TMCO6: variants seen among roughly 807,000 people sequenced by gnomAD.
TMCO6 encodes the protein transmembrane and coiled-coil domains 6, also known as transmembrane and coiled-coil domain-containing protein 6.
TMCO6 carries 47 observed loss-of-function variants against 61.8 expected under a neutral mutation model. The ratio of observed to expected loss-of-function variants is 0.76; its 90% confidence interval spans 0.60 to 0.97. TMCO6 has a LOEUF of 0.97. Ranked by LOEUF, TMCO6 falls within the 50% of genes least tolerant of loss-of-function variation. TMCO6 has a pLI of 0.00. For missense variants in TMCO6, 557 were observed against 601.6 expected (o/e 0.93, Z 0.78); for synonymous variants, 261 against 254.2 (o/e 1.03, Z -0.25).
the TMCO6 span, among the ~76,000 whole-genome samples, chr5:140,597,406 C>T: frequency 2.6e-5 from 4 of 152,302 alleles, no homozygotes; most frequent in South Asian, 6.2e-4. Flanking sequence ...AAAGGCCACC[C>T]AGGTGTGCAG....
the TMCO6 span, among the ~76,000 whole-genome samples, chr5:140,604,861 T>A: frequency 1.3e-5 from 2 of 151,552 alleles, no homozygotes; most frequent in Non-Finnish European, 2.9e-5. Context: ...CATTGAATAA[T>A]CTTGGCTTCA....
chr5:140,598,746 C>T, the TMCO6 span, among the ~76,000 whole-genome samples: 1 of 152,120 alleles, frequency 6.6e-6, no homozygotes, highest in Non-Finnish European at 1.5e-5. Flanking sequence ...CCAGCCTGGT[C>T]AACATGGTGA....
the TMCO6 span, among the ~76,000 whole-genome samples, chr5:140,606,174 T>C: frequency 2.1e-5 from 3 of 145,304 alleles, no homozygotes; most frequent in African/African-American, 7.7e-5. Flanking sequence ...CTTTCCTCTT[T>C]TTTTTTTTTC....
At chr5:140,624,744 T>C in the TMCO6 span, among the ~76,000 whole-genome samples, 2 of 151,854 alleles carry the variant, frequency 1.3e-5, no homozygotes, top group Non-Finnish European at 2.9e-5. Context: ...GCCAGGCTGG[T>C]CTCGAACTCC....
chr5:140,643,677 T>C lies in TMCO6; in HGVS notation c.918+2T>C. The C allele has an allele frequency of 5.6e-6, 9 of 1,609,802 alleles. No individual in the cohort carries two copies. In the South Asian group the frequency reaches 9.9e-5, roughly 18 times the overall value. Reference sequence around the variant, plus strand: ...ACCGAGGATGCAGGACTGGAGCTGGTAGGTGAAGATGTCAGGTGAAATTCT... The same window carrying C: ...ACCGAGGATGCAGGACTGGAGCTGGCAGGTGAAGATGTCAGGTGAAATTCT... On this transcript the variant is annotated splice_donor_variant, in intron 8 of 11. Transcript: ENST00000394671. LOFTEE classifies it high-confidence loss of function.
chr5:140,639,620 C>T lies in TMCO6; in HGVS notation c.85+8C>T. 6.5e-7 allele frequency: 1 copy of T among 1,540,510 alleles called. No individual in the cohort carries two copies. The highest frequency in any genetic ancestry group is 8.8e-7 in the Non-Finnish European group (1 of 1,141,406). On this transcript the variant is annotated splice_region_variant and intron_variant, in intron 1 of 11. Coordinates refer to ENST00000394671, the MANE Select transcript of TMCO6 (RefSeq NM_018502.5). ...GGCGGGAGCGGGAGGCAGGTGTGGG[C>T]GGCCGAGGGAGCGCGGGGGTATATG...
chr5:140,638,503 G>C (rs1338429152), upstream of TMCO6, among the ~76,000 whole-genome samples: 1 of 151,602 alleles, frequency 6.6e-6, no homozygotes. Context: ...AAGAATAAAA[G>C]ATTGATCTAA....
the TMCO6 span, among the ~76,000 whole-genome samples, chr5:140,622,234 C>T: frequency 5.3e-5 from 8 of 152,178 alleles, no homozygotes; most frequent in Non-Finnish European, 8.8e-5. Context: ...TGTACTGTCC[C>T]TTTGTTTCTC....
At chr5:140,624,659 T>A in the TMCO6 span, among the ~76,000 whole-genome samples, 1 of 151,936 alleles carries the variant, frequency 6.6e-6, no homozygotes. Flanking sequence ...AAGTGATTCT[T>A]GCACCTCAGC....
At chr5:140,626,125 A>T in the TMCO6 span, among the ~76,000 whole-genome samples, 2 of 152,098 alleles carry the variant, frequency 1.3e-5, no homozygotes, top group Non-Finnish European at 2.9e-5. Flanking sequence ...ATGGCTCCCA[A>T]ATTCTTATAG....
At chr5:140,607,020 A>G in the TMCO6 span, among the ~76,000 whole-genome samples, 1 of 151,712 alleles carries the variant, frequency 6.6e-6, no homozygotes, top group African/African-American at 2.4e-5. Context: ...ATAATAATGG[A>G]AAAAACCTTA....
the TMCO6 span, among the ~76,000 whole-genome samples, chr5:140,602,457 A>G: frequency 1.3e-5 from 2 of 152,166 alleles, no homozygotes; most frequent in Admixed American, 6.6e-5. Context: ...TTCATGTTAC[A>G]TATAATTAGT....
chr5:140,600,214 A>G, the TMCO6 span, among the ~76,000 whole-genome samples: 1 of 152,186 alleles, frequency 6.6e-6, no homozygotes, highest in East Asian at 1.9e-4. Context: ...CTGATAAGAA[A>G]TAAGTAATTT....
the TMCO6 span, among the ~76,000 whole-genome samples, chr5:140,613,047 A>G: frequency 1.3e-5 from 2 of 152,168 alleles, no homozygotes; most frequent in Non-Finnish European, 2.9e-5. Flanking sequence ...ACAATTTCTG[A>G]TAGAGATAAA....
At chr5:140,630,493 T>C in the TMCO6 span, among the ~76,000 whole-genome samples, 1 of 152,140 alleles carries the variant, frequency 6.6e-6, no homozygotes, top group South Asian at 2.1e-4. Flanking sequence ...CCCCACTGGA[T>C]TGGAATTCCC....
the TMCO6 span, among the ~76,000 whole-genome samples, chr5:140,606,216 G>T: frequency 6.8e-6 from 1 of 146,666 alleles, no homozygotes; most frequent in African/African-American, 2.5e-5. Context: ...AGGCTGGAGT[G>T]CAGTGGTGTG....
chr5:140,632,138 A>T, the TMCO6 span: 1 of 1,613,970 alleles, frequency 6.2e-7, no homozygotes, highest in East Asian at 2.2e-5. This position sits in a 1 kb window ranked among gnomAD's most constrained non-coding sequence, Gnocchi z 6.2. Context: ...CGAACGACAG[A>T]TTGAGGGAGT....
the TMCO6 span, among the ~76,000 whole-genome samples, chr5:140,609,576 G>T: frequency 1.3e-5 from 2 of 151,166 alleles, no homozygotes; most frequent in Non-Finnish European, 2.9e-5. Context: ...CCTACCTCGG[G>T]CATGGGGCAA....
chr5:140,612,432 C>T, the TMCO6 span, among the ~76,000 whole-genome samples: 97 of 151,718 alleles, frequency 6.4e-4, no homozygotes, highest in African/African-American at 2.3e-3. Flanking sequence ...CTCCGCCTCC[C>T]GGGTTCACGC....
Sources: allele counts gnomAD v4.1 joint callset (sites outside exome capture counted in the v4.1 genomes callset), GRCh38; gene constraint gnomAD v4.1.1; non-coding constraint Gnocchi (gnomAD v3.1); transcripts MANE v1.5; gene names NCBI Gene and HGNC (gene_info 2026-07-23, HGNC 2026-07-21).